CREB3L2: variants seen among roughly 807,000 people sequenced by gnomAD.
The protein encoded by CREB3L2 is cyclic AMP-responsive element-binding protein 3-like protein 2.
A neutral mutation model predicts 57.2 loss-of-function variants in CREB3L2; 23 were observed. The ratio of observed to expected loss-of-function variants is 0.40; its 90% CI spans 0.29 to 0.57. The LOEUF (loss-of-function observed/expected upper bound fraction) is 0.57. Among genes scored for constraint, CREB3L2 ranks in the 20% least tolerant of loss-of-function variants. The pLI is 0.42. For synonymous variants in CREB3L2, 268 were observed against 265.1 expected, an observed-to-expected ratio of 1.01 and a Z score of -0.11; for missense variants, 628 against 634.7, an observed-to-expected ratio of 0.99 and a Z score of 0.11.
chr7:137,912,499 C>A (rs1316116209), intron 4 of CREB3L2, among the ~76,000 whole-genome samples: 2 of 152,110 alleles, frequency 1.3e-5, no homozygotes, highest in East Asian at 1.9e-4. Context: ...AGAGGGGGCT[C>A]CTTGCAATAG....
rs746043244 is a variant in CREB3L2 at position 137,880,552 on chromosome 7, C to T, written c.1488-1G>A. On this transcript the variant is annotated splice_acceptor_variant, in intron 11 of 11. Transcript: ENST00000330387. LOFTEE classifies it high-confidence loss of function. This position sits in a 1 kb window ranked among gnomAD's most constrained non-coding sequence, Gnocchi z 4.0. ...ATTCCCCTCCAGTTTGGCGCTGACC[C>T]TGTGAAGGCATTAAAAGGAAAACGA... is the stretch of plus-strand genomic sequence containing the variant. 6.2e-7 allele frequency: 1 copy of T among 1,612,658 alleles called. No homozygotes were observed. Among genetic ancestry groups the T allele is most frequent in the Admixed American group, 1.7e-5 (1 of 59,986 alleles).
At chr7:137,881,642 T>C (rs1454071871) in intron 11 of CREB3L2, among the ~76,000 whole-genome samples, 1 of 152,174 alleles carries the variant, frequency 6.6e-6, no homozygotes, top group East Asian at 1.9e-4. Context: ...ATCTTTCCCA[T>C]TTACATCGGA....
chr7:137,977,291 T>G (rs1007222601), intron 1 of CREB3L2, among the ~76,000 whole-genome samples: 2 of 152,194 alleles, frequency 1.3e-5, no homozygotes, highest in African/African-American at 4.8e-5. Context: ...AAAACCAAAG[T>G]GCCGAGGTGG....
chr7:137,964,834 G>A (rs112195998), intron 1 of CREB3L2, among the ~76,000 whole-genome samples: 71 of 152,120 alleles, frequency 4.7e-4, no homozygotes, highest in African/African-American at 1.5e-3. Flanking sequence ...TGATGGAGGC[G>A]GTTTCACCCA....
At chr7:137,956,622 T>C in intron 1 of CREB3L2, 1 of 1,289,138 alleles carries the variant, frequency 7.8e-7, no homozygotes, top group Non-Finnish European at 1.0e-6. Context: ...ATGCCGAATA[T>C]TTCTCGAGAA....
chr7:137,943,323 T>G (rs1415653179), intron 1 of CREB3L2, among the ~76,000 whole-genome samples: 1 of 152,180 alleles, frequency 6.6e-6, no homozygotes, highest in Non-Finnish European at 1.5e-5. Flanking sequence ...CTCTGGCCTT[T>G]TCTGAGATTC....
intron 1 of CREB3L2, among the ~76,000 whole-genome samples, chr7:137,936,631 G>A (rs13245803): frequency 0.09 from 13,751 of 152,112 alleles, 928 homozygotes; most frequent in Admixed American, 0.22. Context: ...TGACAGTCCT[G>A]CCTGAGAAAT....
rs1264193807 is a variant in CREB3L2 at position 137,882,625 on chromosome 7, C to T, written c.1274G>A (p.Arg425Lys). ...LQEPYTASVV[R>K]SRNLLIYEEH... Reference sequence around the variant, plus strand: ...CTCGTAGATCAGCAGGTTTCTGGATCTCACTGAGGACAGAGCAGAATAATA... The same window carrying T: ...CTCGTAGATCAGCAGGTTTCTGGATTTCACTGAGGACAGAGCAGAATAATA... The change falls in exon 11 of 12, where the codon AGA (arginine) becomes AAA (lysine). Residue 425 changes from arginine to lysine, a missense_variant. By Grantham distance (26) the Arg-to-Lys change is conservative. This residue lies in a region of CREB3L2 where 272 missense variants were observed against 242.7 expected (regional missense o/e 1.12). Coordinates refer to ENST00000330387, the MANE Select transcript of CREB3L2 (RefSeq NM_194071.4). 1.9e-6 allele frequency: 3 copies of T among 1,599,922 alleles called. No individual in the cohort carries two copies. The highest frequency in any genetic ancestry group is 2.6e-6 in the Non-Finnish European group (3 of 1,170,912).
chr7:137,894,285 A>C (rs1371382336), intron 8 of CREB3L2, among the ~76,000 whole-genome samples: 1 of 152,126 alleles, frequency 6.6e-6, no homozygotes, highest in Non-Finnish European at 1.5e-5. Context: ...ATCCACCCGG[A>C]TCTGTCCTGG....
At chr7:137,921,355 T>A (rs1800270366) in intron 2 of CREB3L2, among the ~76,000 whole-genome samples, 2 of 152,198 alleles carry the variant, frequency 1.3e-5, no homozygotes, top group Non-Finnish European at 2.9e-5. Flanking sequence ...GCTTCACCAC[T>A]TAACTGTCAG....
chr7:137,994,566 G>C (rs983855976), intron 1 of CREB3L2, among the ~76,000 whole-genome samples: 3 of 152,022 alleles, frequency 2.0e-5, no homozygotes, highest in African/African-American at 7.2e-5. Flanking sequence ...CCCCTCCCTA[G>C]CCTTTCCCTG....
At position 137,928,174 on chromosome 7, in the gene CREB3L2, T is replaced by A; in HGVS notation, c.295A>T (p.Thr99Ser). The A allele has an allele frequency of 6.3e-7, 1 of 1,581,634 alleles. No individual in the cohort carries two copies. The highest frequency in any genetic ancestry group is 1.8e-5 in the Admixed American group (1 of 55,170). The change falls in exon 2 of 12, where the codon ACC becomes TCC. Residue 99 changes from threonine (T) to serine (S), a missense_variant. Transcript: ENST00000330387. ...CCGTCATTGAAGCTGTCACTGGTGGTAATGTGGGTGAAGGGCGACTGGGCC... is the reference window on the plus strand; with the variant it reads ...CCGTCATTGAAGCTGTCACTGGTGGAAATGTGGGTGAAGGGCGACTGGGCC... ...PRAQSPFTHITTSDSFNDDEV... is the reference protein window; with the variant it reads ...PRAQSPFTHISTSDSFNDDEV...
At chr7:137,903,914 T>A in intron 7 of CREB3L2, 45 bp downstream of exon 7, 1 of 1,505,090 alleles carries the variant, frequency 6.6e-7, no homozygotes, top group Non-Finnish European at 9.3e-7. Context: ...CATATTTCCC[T>A]GTGCATACTG....
At chr7:137,895,434 G>A (rs1799609274) in intron 8 of CREB3L2, among the ~76,000 whole-genome samples, 1 of 152,172 alleles carries the variant, frequency 6.6e-6, no homozygotes. Context: ...GCAATTAGCG[G>A]ATCACCTCAG....
intron 8 of CREB3L2, among the ~76,000 whole-genome samples, chr7:137,887,508 A>T (rs558391006): frequency 1.3e-5 from 2 of 152,152 alleles, no homozygotes; most frequent in Non-Finnish European, 2.9e-5. Flanking sequence ...GGAGTTCGAG[A>T]CCAGCCTGGC....
chr7:137,919,175 CTTTTT>C (rs370149890), intron 2 of CREB3L2, among the ~76,000 whole-genome samples: 1 of 140,976 alleles, frequency 7.1e-6, no homozygotes, highest in Non-Finnish European at 1.6e-5. Context: ...TCAAAGATAT[CTTTTT>C]TTTTTTTTTT....
In CREB3L2 at chr7:137,903,846, G is replaced by C. The variant is rs1318171369; in HGVS notation, c.974+113C>G. 23 of 883,026 alleles carry C rather than the reference G, an allele frequency of 2.6e-5. No homozygotes were observed. The Admixed American group carries it at 3.5e-4, about 13-fold the overall frequency. 54.7% of individuals were successfully genotyped at this position (883,026 alleles called of 1,614,324 possible). ...CAAACCACAGCTGATAAACCACCGG[G>C]TTTCCAAGGTGGCCAGAAAGAGGAA... On this transcript the variant is annotated intron_variant, in intron 7 of 11. Coordinates refer to ENST00000330387, the MANE Select transcript of CREB3L2 (RefSeq NM_194071.4).
At chr7:137,882,673 G>A (rs1234494493) in intron 10 of CREB3L2, 45 bp from the exon 11 acceptor site, 1 of 1,377,806 alleles carries the variant, frequency 7.3e-7, no homozygotes, top group African/African-American at 1.4e-5. Context: ...AAGACCACAG[G>A]GGTCCAACAC....
chr7:137,900,780 G>A (rs564667369), intron 8 of CREB3L2, among the ~76,000 whole-genome samples: 41 of 152,004 alleles, frequency 2.7e-4, no homozygotes, highest in African/African-American at 8.9e-4. Flanking sequence ...TTCCAGCCTG[G>A]GCGACAGAGC....
Sources: allele counts gnomAD v4.1 joint callset (sites outside exome capture counted in the v4.1 genomes callset), GRCh38; gene constraint gnomAD v4.1.1; regional missense constraint gnomAD v4.1.1; non-coding constraint Gnocchi (gnomAD v3.1); transcripts MANE v1.5; gene names NCBI Gene and HGNC (gene_info 2026-07-23, HGNC 2026-07-21).